Variants in UNC5C observed in about 807,000 individuals in gnomAD.
UNC5C encodes netrin receptor UNC5C.
UNC5C carries 47 observed loss-of-function variants against 99.8 expected under a neutral mutation model. The ratio of observed to expected loss-of-function variants is 0.47; its 90% CI spans 0.37 to 0.60. The LOEUF is 0.60. Among genes scored for constraint, UNC5C ranks in the 20% least tolerant of loss-of-function variants. The probability of loss-of-function intolerance (pLI) is 0.00; values close to 1 mark genes in which losing one functional copy is unlikely to be tolerated. For missense variants in UNC5C, 1,062 were observed against 1,165.9 expected (o/e 0.91, Z 1.30); for synonymous variants, 487 against 452.2 (o/e 1.08, Z -0.98).
At chr4:95,341,450 T>G (rs2621443) in intron 1 of UNC5C, among the ~76,000 whole-genome samples, 1 of 149,070 alleles carries the variant, frequency 6.7e-6, no homozygotes, top group Non-Finnish European at 1.5e-5. Flanking sequence ...CCATTTTTTT[T>G]ATAAGAAAGA....
intron 1 of UNC5C, among the ~76,000 whole-genome samples, chr4:95,526,699 TA>T (rs765862829): frequency 5.3e-5 from 8 of 150,880 alleles, no homozygotes; most frequent in South Asian, 2.1e-4. Flanking sequence ...GAATTAAAGT[TA>T]AAAAAAAAGT....
At chr4:95,470,113 G>A (rs948758753) in intron 1 of UNC5C, among the ~76,000 whole-genome samples, 2 of 151,960 alleles carry the variant, frequency 1.3e-5, no homozygotes, top group African/African-American at 4.8e-5. Context: ...TTTCGAATGG[G>A]TTTGTGTATA....
At chr4:95,310,087 C>T (rs1008675018) in intron 2 of UNC5C, among the ~76,000 whole-genome samples, 6 of 152,094 alleles carry the variant, frequency 3.9e-5, no homozygotes, top group African/African-American at 1.4e-4. Flanking sequence ...TACATATACA[C>T]AGGGGAAAAC....
chr4:95,351,939 C>A (rs1205141598), intron 1 of UNC5C, among the ~76,000 whole-genome samples: 1 of 152,106 alleles, frequency 6.6e-6, no homozygotes, highest in Admixed American at 6.6e-5. Context: ...CTTTGGGGGA[C>A]TGTTCATTAG....
At chr4:95,310,097 C>T (rs959120550) in intron 2 of UNC5C, among the ~76,000 whole-genome samples, 7 of 151,980 alleles carry the variant, frequency 4.6e-5, no homozygotes, top group African/African-American at 1.4e-4. Flanking sequence ...CAGGGGAAAA[C>T]GTTCAACCTT....
chr4:95,442,889 T>C (rs1400487561), intron 1 of UNC5C, among the ~76,000 whole-genome samples: 1 of 152,140 alleles, frequency 6.6e-6, no homozygotes, highest in Non-Finnish European at 1.5e-5. Context: ...ATGTATAGCT[T>C]CTTCTTGTAT....
chr4:95,202,712 C>T lies in UNC5C; in HGVS notation c.2136+19G>A. The T allele has an allele frequency of 6.2e-7, 1 of 1,611,062 alleles. No individual in the cohort carries two copies. The highest frequency in any genetic ancestry group is 8.5e-7 in the Non-Finnish European group (1 of 1,178,334). On this transcript the variant is annotated intron_variant, in intron 12 of 15. Transcript: ENST00000453304. Reference sequence around the variant, plus strand: ...TCCAGGTGGAGGTGAAGAGGGCAGGCTAGGTGGGAGGCACTTACCTTCAGG... The same window carrying T: ...TCCAGGTGGAGGTGAAGAGGGCAGGTTAGGTGGGAGGCACTTACCTTCAGG...
intron 4 of UNC5C, among the ~76,000 whole-genome samples, chr4:95,271,419 C>T (rs1346066187): frequency 6.6e-6 from 1 of 151,958 alleles, no homozygotes; most frequent in Non-Finnish European, 1.5e-5. Flanking sequence ...TTAGTAGAGA[C>T]GGGGTTTCAC....
chr4:95,519,868 A>G (rs1297695056), intron 1 of UNC5C, among the ~76,000 whole-genome samples: 8 of 152,234 alleles, frequency 5.3e-5, no homozygotes, highest in Non-Finnish European at 1.0e-4. Flanking sequence ...TCTTTAATAG[A>G]GATGATTTAT....
chr4:95,238,036 CTAAA>C (rs57282220), intron 7 of UNC5C, among the ~76,000 whole-genome samples: 52,499 of 151,586 alleles, frequency 0.35, 9,309 homozygotes, highest in East Asian at 0.58. Flanking sequence ...GACTCCGTCT[CTAAA>C]TAAATACATA....
At chr4:95,431,990 A>C (rs1746648798) in intron 1 of UNC5C, among the ~76,000 whole-genome samples, 1 of 152,156 alleles carries the variant, frequency 6.6e-6, no homozygotes, top group Non-Finnish European at 1.5e-5. Flanking sequence ...AAGAACAGAA[A>C]GCCTAGGGAA....
intron 2 of UNC5C, among the ~76,000 whole-genome samples, chr4:95,326,107 T>C (rs66536449): frequency 0.13 from 20,072 of 152,094 alleles, 1,555 homozygotes; most frequent in African/African-American, 0.19. Context: ...CTGCAGAGCC[T>C]CAGATTCCTA....
chr4:95,190,025 T>A (rs1254713257), intron 12 of UNC5C, among the ~76,000 whole-genome samples: 3 of 152,122 alleles, frequency 2.0e-5, no homozygotes, highest in African/African-American at 7.2e-5. Context: ...CATGCTGCTA[T>A]AAAGACACAT....
chr4:95,423,546 T>C (rs921281338), intron 1 of UNC5C, among the ~76,000 whole-genome samples: 1 of 152,244 alleles, frequency 6.6e-6, no homozygotes, highest in African/African-American at 2.4e-5. Flanking sequence ...CAGAAAAAGT[T>C]CCCATGGTAT....
At chr4:95,211,126 T>C (rs1042277322) in intron 10 of UNC5C, among the ~76,000 whole-genome samples, 2 of 152,154 alleles carry the variant, frequency 1.3e-5, no homozygotes, top group Non-Finnish European at 2.9e-5. Flanking sequence ...AAAGAATCTG[T>C]CTCCATCCAC....
At chr4:95,351,331 C>T (rs200566808) in intron 1 of UNC5C, among the ~76,000 whole-genome samples, 2 of 146,314 alleles carry the variant, frequency 1.4e-5, no homozygotes, top group Non-Finnish European at 3.0e-5. Flanking sequence ...TAGGGTTAGG[C>T]TTTTTTTTTT....
intron 3 of UNC5C, among the ~76,000 whole-genome samples, chr4:95,301,055 A>G (rs961058018): frequency 1.3e-5 from 2 of 152,216 alleles, no homozygotes; most frequent in Admixed American, 6.5e-5. Context: ...CATCTCACAT[A>G]CCATGTAAAT....
At chr4:95,223,138 AT>A (rs1371993893) in intron 7 of UNC5C, among the ~76,000 whole-genome samples, 1 of 152,202 alleles carries the variant, frequency 6.6e-6, no homozygotes, top group Non-Finnish European at 1.5e-5. Context: ...GTGGAATAAG[AT>A]AGGGAAAAGT....
intron 1 of UNC5C, among the ~76,000 whole-genome samples, chr4:95,378,685 T>C (rs1579370107): frequency 6.6e-6 from 1 of 152,200 alleles, no homozygotes; most frequent in Admixed American, 6.5e-5. Context: ...TATTTGATTG[T>C]TCTTTCATAG....
Sources: allele counts gnomAD v4.1 joint callset (sites outside exome capture counted in the v4.1 genomes callset), GRCh38; gene constraint gnomAD v4.1.1; transcripts MANE v1.5; gene names NCBI Gene and HGNC (gene_info 2026-07-23, HGNC 2026-07-21).